PTPRE: variants seen among roughly 807,000 people sequenced by gnomAD.
The protein encoded by PTPRE is receptor-type tyrosine-protein phosphatase epsilon.
A neutral mutation model predicts 102.0 loss-of-function variants in PTPRE; 51 were observed. That is an observed-to-expected ratio of 0.50 (90% CI 0.40 to 0.63). The LOEUF is 0.63. Among genes scored for constraint, PTPRE ranks in the 30% least tolerant of loss-of-function variants. The probability of loss-of-function intolerance (pLI) is 0.00; values close to 1 mark genes in which losing one functional copy is unlikely to be tolerated. For missense variants in PTPRE, 752 were observed against 915.1 expected (o/e 0.82, Z 2.30); for synonymous variants, 345 against 348.2 (o/e 0.99, Z 0.10).
At chr10:128,002,490 G>A (rs1816485893) in intron 2 of PTPRE, among the ~76,000 whole-genome samples, 1 of 152,018 alleles carries the variant, frequency 6.6e-6, no homozygotes, top group Admixed American at 6.5e-5. Context: ...GGAAGATGCA[G>A]CAGTGCGTAG....
At chr10:127,973,962 G>A (rs570331739) in intron 1 of PTPRE, among the ~76,000 whole-genome samples, 77 of 152,274 alleles carry the variant, frequency 5.1e-4, no homozygotes, top group Admixed American at 8.5e-4. Context: ...GAGAACACCT[G>A]TTCATCCTGC....
rs997972056 is a variant in PTPRE, at chr10:128,068,210, A to C, written c.931A>C (p.Ile311Leu). The C allele has an allele frequency of 5.6e-6, 9 of 1,613,930 alleles. No individual in the cohort carries two copies. The highest frequency in any genetic ancestry group is 1.3e-5 in the African/African-American group (1 of 74,902). The change falls in exon 12 of 21, where the codon ATT becomes CTT. Residue 311 changes from isoleucine to leucine, a missense_variant. Ile to Leu is a conservative substitution (Grantham distance 5). Transcript: ENST00000254667. The stretch of plus-strand genomic sequence containing the variant: ...CGACTTCGGAGTGCCTTTTACCCCC[A>C]TTGGGATGCTGAAGTTCCTCAAGAA... The part of the protein sequence containing the change: ...WPDFGVPFTP[I>L]GMLKFLKKVK...
At chr10:128,052,201 G>T (rs1187584851) in intron 6 of PTPRE, among the ~76,000 whole-genome samples, 1 of 152,196 alleles carries the variant, frequency 6.6e-6, no homozygotes, top group Non-Finnish European at 1.5e-5. Flanking sequence ...TCCTCAGAGG[G>T]ACATGCTCCC....
chr10:128,070,746 T>C lies in PTPRE; in HGVS notation c.1294-62T>C. 6.5e-7 allele frequency: 1 copy of C among 1,542,646 alleles called. No homozygotes were observed. Among genetic ancestry groups the C allele is most frequent in the Non-Finnish European group, 8.9e-7 (1 of 1,120,702 alleles). ...CTTGCCAGCAGCACTAGTCCTCGGC[T>C]GAGCAATGTGCTCAGGAGTGTCAGA... On this transcript the variant is annotated intron_variant, in intron 14 of 20. Transcript: ENST00000254667. The surrounding 1 kb of genome is among the most constrained non-coding windows in gnomAD (Gnocchi z 4.8).
chr10:128,040,934 G>A lies in PTPRE; in HGVS notation c.53G>A (p.Arg18Lys), dbSNP rs199705745. 6.2e-7 allele frequency: 1 copy of A among 1,614,012 alleles called. No homozygotes were observed. The highest frequency in any genetic ancestry group is 1.7e-5 in the Admixed American group (1 of 60,002). Residue 18 changes from arginine (R) to lysine (K), a missense_variant, in exon 3 of 21, where the codon AGG (arginine) becomes AAG (lysine). Coordinates refer to ENST00000254667, the MANE Select transcript of PTPRE (RefSeq NM_006504.6). ...GTGGGTTTTAGCTTGCCGCTCGCCA[G>A]GGCTCTCAGGGGCAACGAGACCACT... is the stretch of plus-strand genomic sequence containing the variant. ...LLVGFSLPLA[R>K]ALRGNETTAD...
At chr10:128,049,380 G>C in intron 5 of PTPRE, 150 bp from the exon 6 acceptor site, 1 of 961,274 alleles carries the variant, frequency 1.0e-6, no homozygotes, top group South Asian at 1.6e-5. Context: ...AGCTGCTCGG[G>C]ACCCGGCTTA....
intron 6 of PTPRE, among the ~76,000 whole-genome samples, chr10:128,055,359 C>G (rs1848863391): frequency 6.6e-6 from 1 of 152,192 alleles, no homozygotes; most frequent in African/African-American, 2.4e-5. Context: ...AGAGTTCACG[C>G]TCGGTTATGC....
At chr10:128,067,527 CACATACACATGCAT>C (rs1850362484) in intron 11 of PTPRE, among the ~76,000 whole-genome samples, 1 of 152,114 alleles carries the variant, frequency 6.6e-6, no homozygotes, top group East Asian at 1.9e-4. Context: ...CACACATGCA[CACATACACATGCAT>C]ACATGTGCAC....
At chr10:128,035,708 C>A (rs1847156460) in intron 2 of PTPRE, among the ~76,000 whole-genome samples, 1 of 152,190 alleles carries the variant, frequency 6.6e-6, no homozygotes, top group Admixed American at 6.5e-5. Context: ...TGGGTCAGTC[C>A]ACTGCTGGAC....
At chr10:128,076,484 T>C (rs1196855369) in intron 17 of PTPRE, 119 bp from the exon 18 acceptor site, 1 of 1,024,270 alleles carries the variant, frequency 9.8e-7, no homozygotes, top group East Asian at 2.9e-5. Flanking sequence ...TCATATGTTT[T>C]TTTTTTTGGT....
intron 1 of PTPRE, among the ~76,000 whole-genome samples, chr10:127,939,164 A>G (rs1006040765): frequency 1.3e-5 from 2 of 152,248 alleles, no homozygotes; most frequent in African/African-American, 4.8e-5. Context: ...CAGACGTTTC[A>G]GCAAGTGAAA....
chr10:128,001,714 G>C (rs1554915603), intron 2 of PTPRE, among the ~76,000 whole-genome samples: 1 of 152,166 alleles, frequency 6.6e-6, no homozygotes, highest in Non-Finnish European at 1.5e-5. Context: ...GTCTGCCATG[G>C]GATGATGACA....
At chr10:127,910,650 T>C (rs1015062247) in intron 1 of PTPRE, among the ~76,000 whole-genome samples, 21 of 152,356 alleles carry the variant, frequency 1.4e-4, no homozygotes, top group African/African-American at 4.6e-4. Context: ...ATGGGAGTAA[T>C]CATCGCTACT....
intron 1 of PTPRE, among the ~76,000 whole-genome samples, chr10:127,913,665 T>G (rs1481410057): frequency 6.6e-6 from 1 of 152,246 alleles, no homozygotes; most frequent in African/African-American, 2.4e-5. Context: ...ACAAGGGCGC[T>G]CTGAGGGTCG....
chr10:128,006,586 T>C (rs933906853), intron 2 of PTPRE, among the ~76,000 whole-genome samples: 9 of 152,210 alleles, frequency 5.9e-5, no homozygotes, highest in African/African-American at 2.2e-4. Flanking sequence ...AGTTCCGTCT[T>C]TATTGCAAAC....
intron 1 of PTPRE, among the ~76,000 whole-genome samples, chr10:127,977,699 G>A (rs1851286138): frequency 6.6e-6 from 1 of 152,232 alleles, no homozygotes; most frequent in African/African-American, 2.4e-5. Context: ...GCACAATAAC[G>A]TCGCTCCGTC....
chr10:128,072,072 C>T (rs1185781643), intron 15 of PTPRE, 66 bp from the exon 16 acceptor site: 1 of 1,358,402 alleles, frequency 7.4e-7, no homozygotes, highest in Non-Finnish European at 1.0e-6. Flanking sequence ...AAGCTTGTAG[C>T]AATGGATTAA....
chr10:128,063,998 T>C (rs1384175125), intron 10 of PTPRE, among the ~76,000 whole-genome samples: 1 of 152,158 alleles, frequency 6.6e-6, no homozygotes, highest in East Asian at 1.9e-4. Context: ...CCCGGTTCAG[T>C]GGGAGCCGTG....
In PTPRE at chr10:127,913,030, A is replaced by G. The variant is rs1398628010; in HGVS notation, c.-31+5721A>G. Among the ~76,000 whole-genome samples, 3 of 152,202 alleles carry G rather than the reference A, an allele frequency of 2.0e-5. No individual in the cohort carries two copies. In the East Asian group the frequency reaches 5.8e-4, roughly 29 times the overall value. ...TTAGGAGCAGAATGACTGGGATCAGATGGGGGCCCATGAGACTGAGGCTCT... is the reference window on the plus strand; with the variant it reads ...TTAGGAGCAGAATGACTGGGATCAGGTGGGGGCCCATGAGACTGAGGCTCT... On this transcript the variant is annotated intron_variant, in intron 1 of 20. Coordinates refer to ENST00000254667, the MANE Select transcript of PTPRE (RefSeq NM_006504.6).
Sources: gnomAD v4.1 joint callset for allele counts (sites outside exome capture counted in the v4.1 genomes callset) on GRCh38, gnomAD v4.1.1 for gene constraint, Gnocchi (gnomAD v3.1) non-coding constraint, MANE v1.5 for transcripts, NCBI Gene and HGNC (gene_info 2026-07-23, HGNC 2026-07-21) for gene names.